HS3ST5: variants seen among roughly 807,000 people sequenced by gnomAD.
The protein encoded by HS3ST5 is heparan sulfate glucosamine 3-O-sulfotransferase 5.
A neutral mutation model predicts 25.4 loss-of-function variants in HS3ST5; 10 were observed. That is an observed-to-expected ratio of 0.39 (90% CI 0.24 to 0.67). HS3ST5 has a LOEUF of 0.67. Among genes scored for constraint, HS3ST5 ranks in the 30% least tolerant of loss-of-function variants. HS3ST5 has a pLI of 0.44. For missense variants in HS3ST5, 324 were observed against 420.7 expected (o/e 0.77, Z 2.01); for synonymous variants, 170 against 162.4 (o/e 1.05, Z -0.36).
intron 3 of HS3ST5, among the ~76,000 whole-genome samples, chr6:114,128,126 A>C (rs975478807): frequency 1.3e-5 from 2 of 152,064 alleles, no homozygotes; most frequent in African/African-American, 4.8e-5. Flanking sequence ...CTGAGCCTCT[A>C]TAGTTTTAAA....
At chr6:114,323,100 T>C (rs1776033242) in intron 1 of HS3ST5, among the ~76,000 whole-genome samples, 1 of 152,272 alleles carries the variant, frequency 6.6e-6, no homozygotes, top group African/African-American at 2.4e-5. Context: ...AATGAATCTT[T>C]AAAGTCTTAA....
intron 2 of HS3ST5, among the ~76,000 whole-genome samples, chr6:114,225,488 G>C (rs1782249698): frequency 6.6e-6 from 1 of 151,872 alleles, no homozygotes; most frequent in Non-Finnish European, 1.5e-5. Flanking sequence ...AACAGGTTCA[G>C]GCAAAGGTGA....
intron 3 of HS3ST5, among the ~76,000 whole-genome samples, chr6:114,082,020 A>AT (rs957645692): frequency 6.6e-6 from 1 of 151,912 alleles, no homozygotes; most frequent in Non-Finnish European, 1.5e-5. Flanking sequence ...CCATTTCTCC[A>AT]TTTTTCCCTC....
At chr6:114,263,512 G>C (rs1189462362) in intron 1 of HS3ST5, among the ~76,000 whole-genome samples, 1 of 152,136 alleles carries the variant, frequency 6.6e-6, no homozygotes, top group East Asian at 1.9e-4. Context: ...AATCTTCAAA[G>C]CCTTGAAATG....
Position 114,063,981 on chromosome 6 carries a change from G to A in HS3ST5, c.-32-1104C>T, listed in dbSNP as rs12524002. ...CCTGAAATAAGGCCAGCTGAGGAGC[G>A]TAGGGCTTTACTAGTGCTGTTATTA... On this transcript the variant is annotated intron_variant, in intron 3 of 4. Transcript: ENST00000312719. 3.0e-3 allele frequency among the ~76,000 whole-genome samples: 450 copies of A among 152,320 alleles called. 10 individuals carry two copies. In the East Asian group the frequency reaches 0.044, roughly 15 times the overall value.
chr6:114,256,090 T>G (rs1479622727), intron 1 of HS3ST5, among the ~76,000 whole-genome samples: 1 of 152,150 alleles, frequency 6.6e-6, no homozygotes, highest in East Asian at 1.9e-4. Context: ...TAATGTCTTA[T>G]AAAAATATTT....
At chr6:114,298,634 G>A (rs575146268) in intron 1 of HS3ST5, among the ~76,000 whole-genome samples, 1 of 152,330 alleles carries the variant, frequency 6.6e-6, no homozygotes, top group East Asian at 1.9e-4. Flanking sequence ...TATGTTGCGG[G>A]AAGGCAGGGA....
At chr6:114,309,952 T>C (rs562318039) in intron 1 of HS3ST5, among the ~76,000 whole-genome samples, 11 of 152,290 alleles carry the variant, frequency 7.2e-5, no homozygotes, top group African/African-American at 2.6e-4. Context: ...AGAAAAAGTA[T>C]CTATATTTAC....
chr6:114,250,149 C>T (rs1772581914), intron 1 of HS3ST5, among the ~76,000 whole-genome samples: 1 of 151,950 alleles, frequency 6.6e-6, no homozygotes, highest in African/African-American at 2.4e-5. Flanking sequence ...TTTTATAAAC[C>T]AATTATCCCA....
chr6:114,098,908 T>A (rs1327725686), intron 3 of HS3ST5, among the ~76,000 whole-genome samples: 1 of 152,126 alleles, frequency 6.6e-6, no homozygotes, highest in African/African-American at 2.4e-5. Context: ...ATTTTTTCCT[T>A]GAGCAGTTAT....
chr6:114,184,054 CTTTTTTTTTTTT>C (rs34370810), intron 2 of HS3ST5, among the ~76,000 whole-genome samples: 1 of 78,688 alleles, frequency 1.3e-5, no homozygotes, highest in Non-Finnish European at 2.2e-5. Flanking sequence ...TTTTTCCTTT[CTTTTTTTTTTTT>C]TTTTTTTTTT....
intron 1 of HS3ST5, among the ~76,000 whole-genome samples, chr6:114,331,103 G>A (rs1776376377): frequency 6.6e-6 from 1 of 152,170 alleles, no homozygotes; most frequent in Non-Finnish European, 1.5e-5. Flanking sequence ...GGAACTACCT[G>A]TAGACCAAGA....
chr6:114,201,898 T>C (rs1166936349), intron 2 of HS3ST5, among the ~76,000 whole-genome samples: 2 of 151,920 alleles, frequency 1.3e-5, no homozygotes, highest in Non-Finnish European at 2.9e-5. Flanking sequence ...AAAAGCCCCT[T>C]ATAAAACCAT....
intron 1 of HS3ST5, among the ~76,000 whole-genome samples, chr6:114,261,964 C>T (rs539073885): frequency 6.6e-6 from 1 of 152,284 alleles, no homozygotes; most frequent in African/African-American, 2.4e-5. Context: ...AGCAAGCCCT[C>T]TTCTCACACA....
intron 2 of HS3ST5, among the ~76,000 whole-genome samples, chr6:114,228,335 T>C (rs1245322286): frequency 6.6e-6 from 1 of 152,178 alleles, no homozygotes; most frequent in Non-Finnish European, 1.5e-5. Flanking sequence ...TGTAATGTGA[T>C]ACTGATTATC....
At position 114,252,805 on chromosome 6, in the gene HS3ST5, C is replaced by T. The variant is rs192347590; in HGVS notation, c.-338-24027G>A. 3.8e-3 allele frequency among the ~76,000 whole-genome samples: 585 copies of T among 152,260 alleles called. 13 individuals carry two copies. Among genetic ancestry groups the T allele is most frequent in the East Asian group, 3.7e-3 (19 of 5,182 alleles). ...AGATCAGGTTGTCTTCCTGCGTAGT[C>T]GCAATTTGGAGCAATGCTATGCAAG... On this transcript the variant is annotated intron_variant, in intron 1 of 4. Coordinates refer to ENST00000312719, the MANE Select transcript of HS3ST5 (RefSeq NM_153612.4).
intron 2 of HS3ST5, among the ~76,000 whole-genome samples, chr6:114,200,209 C>G (rs934720361): frequency 6.6e-6 from 1 of 152,142 alleles, no homozygotes; most frequent in African/African-American, 2.4e-5. Flanking sequence ...AAGAGTGAAA[C>G]TTCAACTAAA....
At chr6:114,278,743 T>C (rs17076019) in intron 1 of HS3ST5, among the ~76,000 whole-genome samples, 14,926 of 152,006 alleles carry the variant, frequency 0.098, 1,094 homozygotes, top group African/African-American at 0.21. Flanking sequence ...AGTGAATTTA[T>C]ATTAAAAAAG....
rs879561797 is a variant in HS3ST5, at chr6:114,208,864, A to G, written c.-145+19721T>C. ...GTTCATTGTAAATCATGATGCAGCT[A>G]TTTTAAAGTTTAGGGTTTGTCTTGG... On this transcript the variant is annotated intron_variant, in intron 2 of 4. Transcript: ENST00000312719. Among the ~76,000 whole-genome samples, 7 of 152,136 alleles carry G rather than the reference A, an allele frequency of 4.6e-5. 1 individual carries two copies. Among genetic ancestry groups the G allele is most frequent in the Admixed American group, 3.3e-4 (5 of 15,258 alleles).
Sources: gnomAD v4.1 joint callset for allele counts (sites outside exome capture counted in the v4.1 genomes callset) on GRCh38, gnomAD v4.1.1 for gene constraint, MANE v1.5 for transcripts, NCBI Gene and HGNC (gene_info 2026-07-23, HGNC 2026-07-21) for gene names.